LRGUK: variants seen among roughly 807,000 people sequenced by gnomAD.
LRGUK encodes leucine rich repeats and guanylate kinase domain containing.
In LRGUK, 65 loss-of-function variants were observed where a neutral mutation model predicts 76.0. That is an observed-to-expected ratio of 0.85 (90% CI 0.70 to 1.05). The LOEUF is 1.05. LRGUK is among the 50% of genes least tolerant of loss of function. The pLI is 0.00. For synonymous variants in LRGUK, 268 were observed against 265.6 expected (o/e 1.01, Z -0.09); for missense variants, 758 against 732.8 (o/e 1.03, Z -0.40).
At chr7:134,217,426 T>A (rs961544545) in intron 15 of LRGUK, among the ~76,000 whole-genome samples, 1 of 152,190 alleles carries the variant, frequency 6.6e-6, no homozygotes, top group Admixed American at 6.5e-5. Context: ...ACTTCACTGT[T>A]AGTATAGTTT....
In LRGUK at chr7:134,200,005, TA is replaced by T. The variant is rs1563178702; in HGVS notation, c.1747+585del. ...TTTTATATATATATATATATATATA[TA>T]TATATATATATATATATATATATGT... On this transcript the variant is annotated intron_variant, in intron 14 of 15. Transcript: ENST00000645682. Among the ~76,000 whole-genome samples the T allele has an allele frequency of 2.9e-3, 367 of 128,596 alleles. 4 individuals carry two copies. Among genetic ancestry groups the T allele is most frequent in the Non-Finnish European group, 4.4e-3 (263 of 60,008 alleles). The allele number at this position is 128,596 out of a possible 152,430, so 84.4% of individuals were successfully genotyped here. A position where few individuals can be genotyped will look rare whatever the true frequency, so the allele number is the denominator to read the frequency against.
At chr7:134,225,125 GAAAAAA>G (rs769671717) in intron 16 of LRGUK, among the ~76,000 whole-genome samples, 13 of 60,888 alleles carry the variant, frequency 2.1e-4, no homozygotes, top group African/African-American at 6.2e-4. Context: ...AACAGAACTG[GAAAAAA>G]AAAAAAAAAA....
intron 7 of LRGUK, among the ~76,000 whole-genome samples, chr7:134,174,189 G>A (rs1799384999): frequency 6.6e-6 from 1 of 151,956 alleles, no homozygotes; most frequent in Non-Finnish European, 1.5e-5. Flanking sequence ...TGGGGGGCTG[G>A]AAGGCTAGGA....
chr7:134,221,968 TCAGA>T (rs1801612163), intron 16 of LRGUK, 50 bp downstream of exon 16: 1 of 1,437,206 alleles, frequency 7.0e-7, no homozygotes, highest in Non-Finnish European at 9.2e-7. Flanking sequence ...CTATACAATG[TCAGA>T]CAAAGAGGGG....
chr7:134,268,348 C>G (rs902709156), downstream of LRGUK, among the ~76,000 whole-genome samples: 4 of 152,104 alleles, frequency 2.6e-5, no homozygotes, highest in African/African-American at 9.7e-5. Context: ...AACAACTCTA[C>G]ATATGTAATT....
chr7:134,148,305 AACTAATTTT>A, exon 5 of LRGUK: 1 of 1,588,814 alleles, frequency 6.3e-7, no homozygotes, highest in Non-Finnish European at 8.5e-7. Flanking sequence ...GCTCTCACTA[AACTAATTTT>A]GGATGGTATC....
intron 6 of LRGUK, among the ~76,000 whole-genome samples, chr7:134,158,504 C>G (rs1461070395): frequency 6.6e-6 from 1 of 152,096 alleles, no homozygotes; most frequent in South Asian, 2.1e-4. Flanking sequence ...GTGAAAATAA[C>G]ATTTAAGGAT....
chr7:134,219,399 C>T (rs935039407), intron 15 of LRGUK, among the ~76,000 whole-genome samples: 5 of 152,130 alleles, frequency 3.3e-5, no homozygotes, highest in African/African-American at 1.2e-4. Context: ...TCAGATGGAA[C>T]TTGACTTATT....
intron 16 of LRGUK, 69 bp from the exon 17 acceptor site, chr7:134,247,487 A>C (rs1802332897): frequency 2.6e-6 from 3 of 1,147,342 alleles, no homozygotes; most frequent in Non-Finnish European, 3.9e-6. Flanking sequence ...AAAGAGAATT[A>C]TTATAGATGT....
chr7:134,248,983 T>A (rs150000332), exon 18 of LRGUK: 2 of 1,586,132 alleles, frequency 1.3e-6, no homozygotes, highest in Non-Finnish European at 1.7e-6. Flanking sequence ...ACCAGTGGTC[T>A]ACACTATTAT....
chr7:134,215,365 A>T (rs1408462269), intron 15 of LRGUK, among the ~76,000 whole-genome samples: 1 of 152,012 alleles, frequency 6.6e-6, no homozygotes, highest in Non-Finnish European at 1.5e-5. Context: ...AGTTTGGAAA[A>T]CCCTGCACTG....
chr7:134,268,717 C>CTTT (rs71531815), downstream of LRGUK, among the ~76,000 whole-genome samples: 2,130 of 57,458 alleles, frequency 0.037, 513 homozygotes, highest in Non-Finnish European at 0.051. Flanking sequence ...TGCAAAAAAT[C>CTTT]TTTTTTTTTT....
At chr7:134,198,365 G>C (rs369827042) in intron 13 of LRGUK, among the ~76,000 whole-genome samples, 9 of 152,026 alleles carry the variant, frequency 5.9e-5, no homozygotes, top group African/African-American at 1.9e-4. Context: ...TCATTTCCAG[G>C]AGGTTGAGTC....
At chr7:134,138,222 T>C (rs1368790427) in intron 2 of LRGUK, among the ~76,000 whole-genome samples, 1 of 152,210 alleles carries the variant, frequency 6.6e-6, no homozygotes, top group East Asian at 1.9e-4. Context: ...TAGGTAGTGC[T>C]ATGCCTTAAA....
intron 12 of LRGUK, among the ~76,000 whole-genome samples, chr7:134,193,300 A>G (rs1800336906): frequency 6.6e-6 from 1 of 152,234 alleles, no homozygotes; most frequent in Non-Finnish European, 1.5e-5. Flanking sequence ...TTATCTTGAT[A>G]TTAGTAAGAA....
intron 8 of LRGUK, among the ~76,000 whole-genome samples, chr7:134,176,361 T>C (rs1799479342): frequency 6.6e-6 from 1 of 152,172 alleles, no homozygotes; most frequent in Admixed American, 6.6e-5. Context: ...GTCCTGCACA[T>C]GTATCCCAGA....
At chr7:134,175,607 T>G (rs556793478) in intron 8 of LRGUK, among the ~76,000 whole-genome samples, 2 of 152,206 alleles carry the variant, frequency 1.3e-5, no homozygotes, top group East Asian at 3.9e-4. Context: ...CCCCAACATT[T>G]ACACCTAAGC....
intron 17 of LRGUK, 128 bp from the exon 18 acceptor site, chr7:134,248,823 T>C (rs754756763): frequency 5.3e-5 from 34 of 637,442 alleles, no homozygotes; most frequent in Non-Finnish European, 7.5e-5. Context: ...AGTGGATATA[T>C]TACATTATTT....
chr7:134,164,179 T>G (rs1178026570), intron 7 of LRGUK, among the ~76,000 whole-genome samples: 1 of 152,240 alleles, frequency 6.6e-6, no homozygotes, highest in Non-Finnish European at 1.5e-5. Context: ...CAATGTAACA[T>G]GATGATTTGA....
Sources: gnomAD v4.1 joint callset for allele counts (sites outside exome capture counted in the v4.1 genomes callset) on GRCh38, gnomAD v4.1.1 for gene constraint, MANE v1.5 for transcripts, NCBI Gene and HGNC (gene_info 2026-07-23, HGNC 2026-07-21) for gene names.